GABRB3: variants seen among roughly 807,000 people sequenced by gnomAD.
GABRB3 encodes the protein gamma-aminobutyric acid type A receptor subunit beta3.
GABRB3 carries 14 observed loss-of-function variants against 52.1 expected under a neutral mutation model. The observed-to-expected ratio is 0.27, with a 90% CI of 0.18 to 0.42. The LOEUF is 0.42. GABRB3 is among the 10% of genes least tolerant of loss of function. The probability of loss-of-function intolerance (pLI) is 1.00; values close to 1 mark genes in which losing one functional copy is unlikely to be tolerated. For synonymous variants in GABRB3, 260 were observed against 232.3 expected (o/e 1.12, Z -1.08); for missense variants, 307 against 609.1 (o/e 0.50, Z 5.22).
intron 3 of GABRB3, among the ~76,000 whole-genome samples, chr15:26,686,306 T>C (rs1010980471): frequency 2.0e-4 from 30 of 152,258 alleles, no homozygotes; most frequent in African/African-American, 6.7e-4. Flanking sequence ...CACCAACTAT[T>C]TTGAAAAAGG....
chr15:26,739,746 CATA>C (rs1337462255), intron 3 of GABRB3, among the ~76,000 whole-genome samples: 1 of 152,126 alleles, frequency 6.6e-6, no homozygotes, highest in Non-Finnish European at 1.5e-5. Context: ...GTTATGTTCA[CATA>C]ATGTGTACAA....
In GABRB3 at chr15:26,743,947, G is replaced by A. The variant is rs141496241; in HGVS notation, c.240+28455C>T. On this transcript the variant is annotated intron_variant, in intron 3 of 8. Coordinates refer to ENST00000311550, the MANE Select transcript of GABRB3 (RefSeq NM_000814.6). ...CTTCTTTCTCAACTCTCCCCGCTAA[G>A]TAGGAAAGAGAATGCATTTACTGAT... is the stretch of plus-strand genomic sequence containing the variant. 1.2e-3 allele frequency among the ~76,000 whole-genome samples: 176 copies of A among 152,284 alleles called. 2 individuals are homozygous for A. The highest frequency in any genetic ancestry group is 3.4e-3 in the Middle Eastern group (1 of 294).
rs755150694 is a variant in GABRB3, at chr15:26,547,898, T to A, written c.1317A>T (p.Ile439=). The A allele has an allele frequency of 6.2e-7, 1 of 1,614,156 alleles. No individual in the cohort carries two copies. The highest frequency in any genetic ancestry group is 1.1e-5 in the South Asian group (1 of 91,090). ...TGGCATTCACATCGGTTAGATCAGG[T>A]ATTTTAATTTTGAGCTGTGAAGACC... ...RRRSSQLKIK[I]PDLTDVNAID... Residue 439 remains isoleucine (I), a synonymous_variant, in exon 9 of 9, where the codon ATA becomes ATT. Transcript: ENST00000311550.
chr15:26,574,355 T>G (rs1447128042), intron 6 of GABRB3, among the ~76,000 whole-genome samples: 1 of 152,182 alleles, frequency 6.6e-6, no homozygotes, highest in Non-Finnish European at 1.5e-5. Flanking sequence ...AGTCTGATAG[T>G]TCCTCAAAAG....
At chr15:26,638,546 A>C (rs1893115281) in intron 3 of GABRB3, among the ~76,000 whole-genome samples, 1 of 152,202 alleles carries the variant, frequency 6.6e-6, no homozygotes, top group African/African-American at 2.4e-5. Flanking sequence ...TCTGAGTGCC[A>C]ATCCCTTATC....
rs1049118223 is a variant in GABRB3 at position 26,567,526 on chromosome 15, T to C, written c.835+55A>G. On this transcript the variant is annotated intron_variant, in intron 7 of 8. Coordinates refer to ENST00000311550, the MANE Select transcript of GABRB3 (RefSeq NM_000814.6). ...AACTACAGCCTTTGAACTCTCTTAA[T>C]ACTGTAATGATACGGTTACTTTACA... 5.5e-5 allele frequency: 85 copies of C among 1,550,000 alleles called. No homozygotes were observed. The Middle Eastern group carries it at 1.5e-3, about 28-fold the overall frequency.
chr15:26,591,162 C>T (rs1891189404), intron 4 of GABRB3, among the ~76,000 whole-genome samples: 1 of 152,178 alleles, frequency 6.6e-6, no homozygotes, highest in Non-Finnish European at 1.5e-5. Context: ...ACAACCCAGA[C>T]ACACAAGCAA....
chr15:26,567,995 T>A (rs1217140856), intron 6 of GABRB3, among the ~76,000 whole-genome samples: 2 of 152,258 alleles, frequency 1.3e-5, no homozygotes, highest in East Asian at 3.8e-4. Flanking sequence ...AAAAACGTAT[T>A]AGTTTTTAGC....
chr15:26,719,003 G>A (rs1374335643), intron 3 of GABRB3, among the ~76,000 whole-genome samples: 2 of 152,252 alleles, frequency 1.3e-5, no homozygotes, highest in African/African-American at 4.8e-5. Context: ...CCCTTCACCA[G>A]GCCCCTCTGT....
intron 4 of GABRB3, among the ~76,000 whole-genome samples, chr15:26,619,046 AG>A (rs1241209095): frequency 6.6e-6 from 1 of 150,702 alleles, no homozygotes; most frequent in East Asian, 1.9e-4. Flanking sequence ...GTGGAGAAAT[AG>A]GAACACTTTT....
At chr15:26,693,475 G>A (rs11161331) in intron 3 of GABRB3, among the ~76,000 whole-genome samples, 4,863 of 151,372 alleles carry the variant, frequency 0.032, 205 homozygotes, top group African/African-American at 0.087. Flanking sequence ...CCACCAGAGC[G>A]GTATTTCCAC....
intron 3 of GABRB3, among the ~76,000 whole-genome samples, chr15:26,717,459 A>T (rs145073101): frequency 1.3e-5 from 2 of 152,374 alleles, no homozygotes; most frequent in African/African-American, 4.8e-5. Context: ...CTAAGACCAC[A>T]CATCCTAGCA....
intron 3 of GABRB3, chr15:26,625,564 T>C (rs1221356819): frequency 9.5e-5 from 76 of 802,290 alleles, no homozygotes; most frequent in Non-Finnish European, 1.1e-4. Context: ...TTTGAGACTT[T>C]AAAAGCTCCA....
At chr15:26,645,256 A>G (rs1017049028) in intron 3 of GABRB3, among the ~76,000 whole-genome samples, 3 of 152,188 alleles carry the variant, frequency 2.0e-5, no homozygotes, top group African/African-American at 7.2e-5. Flanking sequence ...CCAAGAAAAG[A>G]AAAAGCCACT....
At chr15:26,762,131 C>T (rs763314718) in intron 3 of GABRB3, among the ~76,000 whole-genome samples, 7 of 152,150 alleles carry the variant, frequency 4.6e-5, no homozygotes, top group African/African-American at 1.7e-4. Context: ...CACACCCAGC[C>T]CTCTTTATCA....
intron 3 of GABRB3, among the ~76,000 whole-genome samples, chr15:26,649,331 T>C (rs1887119776): frequency 6.6e-6 from 1 of 151,980 alleles, no homozygotes; most frequent in Non-Finnish European, 1.5e-5. Context: ...CATTCCTCTC[T>C]CTCTTCTCCC....
At chr15:26,702,029 C>T (rs892905119) in intron 3 of GABRB3, among the ~76,000 whole-genome samples, 1 of 152,098 alleles carries the variant, frequency 6.6e-6, no homozygotes, top group African/African-American at 2.4e-5. Context: ...TATCCATAGG[C>T]GAAAACATCC....
At chr15:26,723,971 C>A (rs371978363) in intron 3 of GABRB3, among the ~76,000 whole-genome samples, 51 of 152,306 alleles carry the variant, frequency 3.3e-4, no homozygotes, top group African/African-American at 1.2e-3. Flanking sequence ...TGGGCACATT[C>A]CTCAGCAGGG....
At chr15:26,723,109 G>T (rs1889686342) in intron 3 of GABRB3, among the ~76,000 whole-genome samples, 1 of 152,146 alleles carries the variant, frequency 6.6e-6, no homozygotes, top group Admixed American at 6.5e-5. Flanking sequence ...CATTAATAAA[G>T]GGGTAAGGGT....
Sources: allele counts gnomAD v4.1 joint callset (sites outside exome capture counted in the v4.1 genomes callset), GRCh38; gene constraint gnomAD v4.1.1; transcripts MANE v1.5; gene names NCBI Gene and HGNC (gene_info 2026-07-23, HGNC 2026-07-21).